The following ELOVL6 variants were observed in gnomAD, a reference collection of about 807,000 sequenced individuals.
ELOVL6 encodes very long chain fatty acid elongase 6.
ELOVL6 carries 8 observed loss-of-function variants against 31.7 expected under a neutral mutation model. The ratio of observed to expected loss-of-function variants is 0.25; its 90% CI spans 0.15 to 0.45. The LOEUF (loss-of-function observed/expected upper bound fraction) is 0.45. Among genes scored for constraint, ELOVL6 ranks in the 20% least tolerant of loss-of-function variants. The probability of loss-of-function intolerance (pLI) is 1.00; values close to 1 mark genes in which losing one functional copy is unlikely to be tolerated. For missense variants in ELOVL6, 126 were observed against 326.4 expected (o/e 0.39, Z 4.73); for synonymous variants, 101 against 117.7 (o/e 0.86, Z 0.92).
chr4:110,095,815 G>A (rs1410073030), intron 2 of ELOVL6, among the ~76,000 whole-genome samples: 2 of 152,162 alleles, frequency 1.3e-5, no homozygotes, highest in Non-Finnish European at 2.9e-5. Flanking sequence ...TGGAACAGGT[G>A]TAGTCAGCTA....
At position 110,148,911 on chromosome 4, in the gene ELOVL6, A is replaced by C. The variant is rs555347976; in HGVS notation, c.90-43283T>G. On this transcript the variant is annotated intron_variant, in intron 1 of 3. Transcript: ENST00000302274. The stretch of plus-strand genomic sequence containing the variant: ...AGTCTCGCTCTGTTGCCCAGGCTGG[A>C]GTGCAGTGCTACCATCACAGCTCAC... 3.4e-4 allele frequency among the ~76,000 whole-genome samples: 52 copies of C among 152,306 alleles called. 1 individual carries two copies. Among genetic ancestry groups the C allele is most frequent in the Admixed American group, 7.8e-4 (12 of 15,300 alleles).
intron 2 of ELOVL6, among the ~76,000 whole-genome samples, chr4:110,075,184 G>T (rs1214559741): frequency 6.6e-6 from 1 of 152,110 alleles, no homozygotes; most frequent in Non-Finnish European, 1.5e-5. Flanking sequence ...ATATAAAATG[G>T]CTCTATGGCT....
chr4:110,160,336 T>A (rs924259838), intron 1 of ELOVL6, among the ~76,000 whole-genome samples: 19 of 152,292 alleles, frequency 1.2e-4, no homozygotes, highest in African/African-American at 3.4e-4. Context: ...TTCCTGAACA[T>A]CCCTGCAAAA....
At chr4:110,066,576 C>A (rs1755308394) in intron 2 of ELOVL6, among the ~76,000 whole-genome samples, 1 of 141,638 alleles carries the variant, frequency 7.1e-6, no homozygotes, top group African/African-American at 2.7e-5. Flanking sequence ...GAGGGGGAGC[C>A]TGCAGTAAGC....
chr4:110,125,903 T>A (rs1210510112), intron 1 of ELOVL6, among the ~76,000 whole-genome samples: 1 of 152,130 alleles, frequency 6.6e-6, no homozygotes, highest in Non-Finnish European at 1.5e-5. Context: ...ATAAAAAGAA[T>A]GTTTTTATTA....
chr4:110,154,552 G>T (rs1758363224), intron 1 of ELOVL6, among the ~76,000 whole-genome samples: 1 of 152,186 alleles, frequency 6.6e-6, no homozygotes, highest in Non-Finnish European at 1.5e-5. Flanking sequence ...TCCACACCTG[G>T]CCTATTTTTA....
intron 2 of ELOVL6, among the ~76,000 whole-genome samples, chr4:110,079,969 A>G (rs1325214690): frequency 2.6e-5 from 4 of 152,196 alleles, no homozygotes; most frequent in South Asian, 2.1e-4. Context: ...ACACCTCCAC[A>G]CAAATAAACT....
chr4:110,195,092 T>C (rs1759733085), intron 1 of ELOVL6, among the ~76,000 whole-genome samples: 1 of 152,198 alleles, frequency 6.6e-6, no homozygotes, highest in Non-Finnish European at 1.5e-5. Context: ...GCCTTGGTTA[T>C]GGAGTTCCCT....
Position 110,084,026 on chromosome 4 carries a change from C to CATATATATAA in ELOVL6, c.221+21470_221+21471insTTATATATAT, listed in dbSNP as rs1560813591. Among the ~76,000 whole-genome samples, 33 of 6,790 alleles carry CATATATATAA rather than the reference C, an allele frequency of 4.9e-3. 2 individuals are homozygous for CATATATATAA. The highest frequency in any genetic ancestry group is 0.013 in the East Asian group (2 of 158). 4.5% of individuals were successfully genotyped at this position (6,790 alleles called of 152,430 possible). The stretch of plus-strand genomic sequence containing the variant: ...TGCCATATATGGTATATAACATATG[C>CATATATATAA]CATATATGGTATATAACACATGCTA... On this transcript the variant is annotated intron_variant, in intron 2 of 3. Coordinates refer to ENST00000302274, the MANE Select transcript of ELOVL6 (RefSeq NM_024090.3).
intron 2 of ELOVL6, among the ~76,000 whole-genome samples, chr4:110,083,269 T>A (rs947995099): frequency 6.6e-6 from 1 of 151,668 alleles, no homozygotes; most frequent in Non-Finnish European, 1.5e-5. Flanking sequence ...GATAATGGAC[T>A]AGGGATGAGG....
At chr4:110,077,226 G>T (rs1216428117) in intron 2 of ELOVL6, among the ~76,000 whole-genome samples, 1 of 152,204 alleles carries the variant, frequency 6.6e-6, no homozygotes, top group Non-Finnish European at 1.5e-5. Flanking sequence ...CTGTCTGACA[G>T]CTTTGAAGAG....
At chr4:110,103,446 C>T (rs1337862688) in intron 2 of ELOVL6, among the ~76,000 whole-genome samples, 1 of 151,830 alleles carries the variant, frequency 6.6e-6, no homozygotes, top group Admixed American at 6.6e-5. Context: ...TTATTGTTTA[C>T]ATGCTAACTA....
At chr4:110,164,559 G>C (rs1449305847) in intron 1 of ELOVL6, among the ~76,000 whole-genome samples, 1 of 151,842 alleles carries the variant, frequency 6.6e-6, no homozygotes, top group Non-Finnish European at 1.5e-5. Flanking sequence ...AGGCAACGTG[G>C]CGAAAGCCCA....
At chr4:110,106,885 A>G (rs1756905767) in intron 1 of ELOVL6, among the ~76,000 whole-genome samples, 2 of 152,200 alleles carry the variant, frequency 1.3e-5, no homozygotes, top group Non-Finnish European at 2.9e-5. Context: ...AAAATCCACA[A>G]ACTTCTATAA....
intron 1 of ELOVL6, among the ~76,000 whole-genome samples, chr4:110,171,131 GGC>G (rs1421190624): frequency 6.6e-6 from 1 of 152,214 alleles, no homozygotes; most frequent in Non-Finnish European, 1.5e-5. Context: ...AGGTTGGCCA[GGC>G]GCTGTGGCTC....
intron 2 of ELOVL6, among the ~76,000 whole-genome samples, chr4:110,084,040 T>C (rs1299062375): frequency 3.6e-5 from 2 of 55,272 alleles, no homozygotes; most frequent in South Asian, 1.1e-3. Context: ...ATATGGTATA[T>C]AACACATGCT....
At chr4:110,162,257 T>C (rs1192902732) in intron 1 of ELOVL6, among the ~76,000 whole-genome samples, 1 of 152,218 alleles carries the variant, frequency 6.6e-6, no homozygotes, top group African/African-American at 2.4e-5. Context: ...TTTTTCTTAA[T>C]TTTAGTCAGA....
chr4:110,198,093 C>G, intron 1 of ELOVL6, 154 bp downstream of exon 1: 1 of 481,004 alleles, frequency 2.1e-6, no homozygotes, highest in Non-Finnish European at 3.9e-6. Context: ...CCCCCAGCGT[C>G]TCCTGCACCC....
intron 2 of ELOVL6, among the ~76,000 whole-genome samples, chr4:110,076,489 T>C (rs1755634685): frequency 6.6e-6 from 1 of 152,206 alleles, no homozygotes. Flanking sequence ...GAGAAATGAT[T>C]CATATTCAGT....
Sources: gnomAD v4.1 joint callset for allele counts (sites outside exome capture counted in the v4.1 genomes callset) on GRCh38, gnomAD v4.1.1 for gene constraint, MANE v1.5 for transcripts, NCBI Gene and HGNC (gene_info 2026-07-23, HGNC 2026-07-21) for gene names.